The following BABAM2 variants were observed in gnomAD, a reference collection of about 807,000 sequenced individuals.
BABAM2 encodes the protein BRISC and BRCA1 A complex member 2, also known as BRISC and BRCA1-A complex member 2.
Under a neutral mutation model 54.7 loss-of-function variants are expected in BABAM2, and 31 were observed. The observed-to-expected ratio is 0.57, with a 90% CI of 0.43 to 0.77. BABAM2 has a LOEUF of 0.77. Among genes scored for constraint, BABAM2 ranks in the 30% least tolerant of loss-of-function variants. The pLI, the probability that BABAM2 is intolerant of heterozygous loss-of-function variation, is 0.00. For missense variants in BABAM2, 364 were observed against 455.8 expected, an observed-to-expected ratio of 0.80 and a Z score of 1.83; for synonymous variants, 167 against 162.9, an observed-to-expected ratio of 1.03 and a Z score of -0.19.
intron 2 of BABAM2, among the ~76,000 whole-genome samples, chr2:27,909,892 C>G (rs1402766360): frequency 1.3e-5 from 2 of 152,130 alleles, no homozygotes; most frequent in Admixed American, 1.3e-4. Flanking sequence ...GCAGGAAGGA[C>G]AGTAATATAA....
At chr2:28,256,761 C>A (rs1353782780) in intron 10 of BABAM2, among the ~76,000 whole-genome samples, 1 of 138,768 alleles carries the variant, frequency 7.2e-6, no homozygotes, top group African/African-American at 2.7e-5. Context: ...ATGGCACGAT[C>A]TCAGCTCACT....
chr2:28,219,540 A>C (rs12616207), intron 7 of BABAM2, among the ~76,000 whole-genome samples: 2 of 151,896 alleles, frequency 1.3e-5, no homozygotes, highest in Admixed American at 1.3e-4. Flanking sequence ...AGGGTAAAAA[A>C]TTCATAGCTT....
intron 7 of BABAM2, among the ~76,000 whole-genome samples, chr2:28,175,630 G>A (rs1674842313): frequency 6.6e-6 from 1 of 152,220 alleles, no homozygotes; most frequent in Non-Finnish European, 1.5e-5. Flanking sequence ...ACACAAATGT[G>A]TGCCACTGGG....
At chr2:28,143,142 G>T (rs971542380) in intron 7 of BABAM2, among the ~76,000 whole-genome samples, 4 of 130,080 alleles carry the variant, frequency 3.1e-5, no homozygotes, top group Non-Finnish European at 5.1e-5. Context: ...ATTGGATAAA[G>T]AAATATATAT....
chr2:28,332,838 A>G (rs1691081218), intron 11 of BABAM2, among the ~76,000 whole-genome samples: 1 of 152,192 alleles, frequency 6.6e-6, no homozygotes, highest in Non-Finnish European at 1.5e-5. Context: ...TGCCATGAGC[A>G]GCTCTAGACT....
At chr2:28,199,817 A>G (rs1001041591) in intron 7 of BABAM2, among the ~76,000 whole-genome samples, 1 of 152,178 alleles carries the variant, frequency 6.6e-6, no homozygotes, top group African/African-American at 2.4e-5. Flanking sequence ...GCCATTGTTG[A>G]CAGGTATGGA....
At chr2:28,273,630 A>C (rs1685627321) in intron 10 of BABAM2, among the ~76,000 whole-genome samples, 1 of 152,154 alleles carries the variant, frequency 6.6e-6, no homozygotes, top group African/African-American at 2.4e-5. Flanking sequence ...GAGGTACGAG[A>C]ATTGCTTGAA....
chr2:27,893,786 G>C (rs1573099980), intron 1 of BABAM2, among the ~76,000 whole-genome samples: 1 of 152,060 alleles, frequency 6.6e-6, no homozygotes. Flanking sequence ...ATGACGTCAA[G>C]AGATTGAGAC....
At chr2:27,943,695 G>A (rs1177434616) in intron 3 of BABAM2, among the ~76,000 whole-genome samples, 1 of 152,126 alleles carries the variant, frequency 6.6e-6, no homozygotes, top group Non-Finnish European at 1.5e-5. Context: ...TAGGGACTTA[G>A]TATTTTGCAT....
chr2:27,928,305 C>T (rs911653456), intron 2 of BABAM2, among the ~76,000 whole-genome samples: 17 of 152,042 alleles, frequency 1.1e-4, no homozygotes, highest in Non-Finnish European at 8.8e-5. Flanking sequence ...TGAGCCACCG[C>T]GCCTGGCCTA....
At chr2:28,164,451 G>A (rs1673428397) in intron 7 of BABAM2, among the ~76,000 whole-genome samples, 1 of 151,876 alleles carries the variant, frequency 6.6e-6, no homozygotes, top group African/African-American at 2.4e-5. Context: ...CGCAGAGCCT[G>A]TCAAGGGCTC....
intron 11 of BABAM2, among the ~76,000 whole-genome samples, chr2:28,334,858 C>T (rs1026383300): frequency 4.6e-5 from 7 of 152,148 alleles, no homozygotes; most frequent in Non-Finnish European, 1.0e-4. Context: ...CTGCCCTGCC[C>T]GGCCTTGCCT....
At chr2:27,926,368 C>G (rs1173322135) in intron 2 of BABAM2, among the ~76,000 whole-genome samples, 1 of 152,146 alleles carries the variant, frequency 6.6e-6, no homozygotes, top group African/African-American at 2.4e-5. Flanking sequence ...CCAGATATAT[C>G]AAGATTTCTT....
chr2:27,971,406 G>C (rs1388215512), intron 3 of BABAM2, among the ~76,000 whole-genome samples: 2 of 152,030 alleles, frequency 1.3e-5, no homozygotes, highest in Non-Finnish European at 2.9e-5. Context: ...TCTTAAGCTT[G>C]TTCAAGTATA....
At position 28,303,713 on chromosome 2, in the gene BABAM2, G is replaced by GC. The variant is rs199620434; in HGVS notation, c.1088+5230dup. Among the ~76,000 whole-genome samples the GC allele has an allele frequency of 9.2e-3, 1,366 of 149,112 alleles. 15 individuals carry two copies. The highest frequency in any genetic ancestry group is 0.014 in the African/African-American group (555 of 40,458). ...AATTCCCACCTCTCCCCACTCCAAC[G>GC]CCCCCCCCACCAAAAGCCTGCTGAT... On this transcript the variant is annotated intron_variant, in intron 11 of 11. Coordinates refer to ENST00000379624, the MANE Select transcript of BABAM2 (RefSeq NM_199191.3).
chr2:27,996,048 G>C (rs1312907485), intron 4 of BABAM2, among the ~76,000 whole-genome samples: 1 of 152,108 alleles, frequency 6.6e-6, no homozygotes, highest in African/African-American at 2.4e-5. Flanking sequence ...GTCCATGTGA[G>C]CTAATTTTAA....
chr2:28,163,214 T>C (rs1384716314), intron 7 of BABAM2, among the ~76,000 whole-genome samples: 1 of 152,164 alleles, frequency 6.6e-6, no homozygotes, highest in Admixed American at 6.5e-5. Context: ...GCTTCCCCCA[T>C]GACCTTCTTC....
At chr2:28,310,025 A>G in intron 11 of BABAM2, 1 of 1,540,616 alleles carries the variant, frequency 6.5e-7, no homozygotes. Context: ...GAATTATTGG[A>G]TCCTTGAACC....
chr2:28,274,321 C>T (rs868844691), intron 10 of BABAM2, among the ~76,000 whole-genome samples: 2 of 152,200 alleles, frequency 1.3e-5, no homozygotes, highest in Admixed American at 1.3e-4. Context: ...ATCCAAATAA[C>T]GTAATTATGA....
Sources: gnomAD v4.1 joint callset for allele counts (sites outside exome capture counted in the v4.1 genomes callset) on GRCh38, gnomAD v4.1.1 for gene constraint, MANE v1.5 for transcripts, NCBI Gene and HGNC (gene_info 2026-07-23, HGNC 2026-07-21) for gene names.